MARCHF1: variants seen among roughly 807,000 people sequenced by gnomAD.
MARCHF1 encodes E3 ubiquitin-protein ligase MARCHF1.
In MARCHF1, 40 loss-of-function variants were observed where a neutral mutation model predicts 54.2. The ratio of observed to expected loss-of-function variants is 0.74; its 90% CI spans 0.57 to 0.96. MARCHF1 has a LOEUF of 0.96. Ranked by LOEUF, MARCHF1 falls within the 40% of genes least tolerant of loss-of-function variation. The pLI is 0.00. For synonymous variants in MARCHF1, 236 were observed against 236.3 expected (o/e 1.00, Z 0.01); for missense variants, 586 against 656.5 (o/e 0.89, Z 1.17).
intron 1 of MARCHF1, among the ~76,000 whole-genome samples, chr4:164,335,220 C>T (rs553408091): frequency 6.6e-6 from 1 of 152,196 alleles, no homozygotes; most frequent in South Asian, 2.1e-4. Flanking sequence ...TATCAAAAAG[C>T]AACACATGCT....
At chr4:163,532,631 T>G (rs929031233) in intron 9 of MARCHF1, among the ~76,000 whole-genome samples, 1 of 151,884 alleles carries the variant, frequency 6.6e-6, no homozygotes, top group African/African-American at 2.4e-5. Flanking sequence ...GCAAAACATA[T>G]TCTGAAAAAG....
chr4:163,528,497 T>C lies in MARCHF1; in HGVS notation c.*251A>G, dbSNP rs536867261. 3 of 456,588 alleles carry C rather than the reference T, an allele frequency of 6.6e-6. No homozygotes were observed. In the East Asian group the frequency reaches 1.1e-4, roughly 17 times the overall value. The allele number at this position is 456,588 out of a possible 1,614,324, so 28.3% of individuals were successfully genotyped here. A position where few individuals can be genotyped will look rare whatever the true frequency, so the allele number is the denominator to read the frequency against. On this transcript the variant is annotated 3_prime_UTR_variant, in exon 10 of 10. Coordinates refer to ENST00000514618, the MANE Select transcript of MARCHF1 (RefSeq NM_001394959.1). ...TCATTGCCCCAGTAGTTCTTAATTG[T>C]CTTGGAAATCATTCTCTTGCAAACT... is the stretch of plus-strand genomic sequence containing the variant.
intron 8 of MARCHF1, among the ~76,000 whole-genome samples, chr4:163,563,077 A>G (rs989539466): frequency 1.3e-5 from 2 of 152,182 alleles, no homozygotes; most frequent in African/African-American, 4.8e-5. Context: ...GAAAACTACA[A>G]ATATATTAAT....
intron 3 of MARCHF1, among the ~76,000 whole-genome samples, chr4:163,969,914 C>A (rs1232181783): frequency 2.0e-5 from 3 of 151,272 alleles, no homozygotes; most frequent in African/African-American, 4.9e-5. Flanking sequence ...GGAAGAAAAT[C>A]ATTGTTTAAA....
intron 1 of MARCHF1, among the ~76,000 whole-genome samples, chr4:164,282,420 T>A (rs1199359692): frequency 6.6e-6 from 1 of 150,890 alleles, no homozygotes; most frequent in African/African-American, 2.4e-5. Flanking sequence ...ACTGGCATGA[T>A]CAAACCAGCA....
chr4:164,283,400 T>C lies in MARCHF1; in HGVS notation c.-323+100470A>G, dbSNP rs1019596857. Among the ~76,000 whole-genome samples the C allele has an allele frequency of 7.9e-5, 12 of 150,960 alleles. 1 individual carries two copies. Among genetic ancestry groups the C allele is most frequent in the East Asian group, 4.0e-4 (2 of 4,940 alleles). The stretch of plus-strand genomic sequence containing the variant: ...GCATATATAAGCTGCTGTAGAGGAA[T>C]TGCTTACCTGTTCATCACAAAATAT... On this transcript the variant is annotated intron_variant, in intron 1 of 9. Transcript: ENST00000514618.
intron 1 of MARCHF1, among the ~76,000 whole-genome samples, chr4:164,239,836 A>G (rs1732675699): frequency 6.6e-6 from 1 of 152,172 alleles, no homozygotes; most frequent in Non-Finnish European, 1.5e-5. Flanking sequence ...AATTTTACAG[A>G]ACATAGTGTT....
Position 163,720,460 on chromosome 4 carries a change from G to A in MARCHF1, c.112-19597C>T, listed in dbSNP as rs1344276081. 5.3e-5 allele frequency among the ~76,000 whole-genome samples: 8 copies of A among 152,064 alleles called. No individual in the cohort carries two copies. The South Asian group carries it at 1.0e-3, about 20-fold the overall frequency. On this transcript the variant is annotated intron_variant, in intron 4 of 9. Transcript: ENST00000514618. ...GTAGTATAGTTTGAAGTCAGGTAGT[G>A]TGATGCCTCCGGCTTTGTTCTTTTG...
intron 1 of MARCHF1, among the ~76,000 whole-genome samples, chr4:164,231,037 C>G (rs1009908087): frequency 6.6e-6 from 1 of 152,048 alleles, no homozygotes; most frequent in Admixed American, 6.6e-5. Flanking sequence ...GCAGGATCCT[C>G]TCTTATTAAA....
chr4:163,779,614 C>G (rs1747405322), intron 4 of MARCHF1, among the ~76,000 whole-genome samples: 1 of 152,016 alleles, frequency 6.6e-6, no homozygotes, highest in African/African-American at 2.4e-5. Flanking sequence ...GATGTTTGCA[C>G]CATAACCAAC....
At chr4:163,556,827 T>C (rs898066772) in intron 8 of MARCHF1, among the ~76,000 whole-genome samples, 6 of 152,106 alleles carry the variant, frequency 3.9e-5, no homozygotes, top group African/African-American at 1.4e-4. Context: ...CATTTGAATT[T>C]GTTTTTGGCA....
chr4:164,060,253 A>G (rs1245077279), intron 2 of MARCHF1, among the ~76,000 whole-genome samples: 1 of 152,092 alleles, frequency 6.6e-6, no homozygotes, highest in Non-Finnish European at 1.5e-5. Flanking sequence ...CCAGCTGAAG[A>G]CTGGCATTTT....
At chr4:164,363,560 A>G (rs189242527) in intron 1 of MARCHF1, among the ~76,000 whole-genome samples, 69 of 152,230 alleles carry the variant, frequency 4.5e-4, no homozygotes, top group Admixed American at 1.3e-3. Flanking sequence ...TACGAGTAGA[A>G]AAGCCAACAA....
At chr4:163,814,382 T>C (rs925944357) in intron 4 of MARCHF1, among the ~76,000 whole-genome samples, 3 of 152,064 alleles carry the variant, frequency 2.0e-5, no homozygotes, top group Non-Finnish European at 4.4e-5. Flanking sequence ...TTGGGTCTGA[T>C]TGCCCCAACA....
intron 1 of MARCHF1, among the ~76,000 whole-genome samples, chr4:164,298,807 A>G (rs115256588): frequency 0.015 from 2,331 of 152,246 alleles, 63 homozygotes; most frequent in African/African-American, 0.053. Context: ...TTATTCTACA[A>G]GTTAATCTAA....
chr4:163,974,718 T>C (rs1403750994), intron 3 of MARCHF1, among the ~76,000 whole-genome samples: 2 of 152,166 alleles, frequency 1.3e-5, no homozygotes, highest in Non-Finnish European at 2.9e-5. Context: ...TGCCCTGGCT[T>C]TGAGAGCAGG....
chr4:164,078,198 G>A (rs1755018851), intron 2 of MARCHF1, among the ~76,000 whole-genome samples: 1 of 152,166 alleles, frequency 6.6e-6, no homozygotes, highest in Non-Finnish European at 1.5e-5. Flanking sequence ...ATACTATGCA[G>A]CCATAAGAAA....
rs571375417 is a variant in MARCHF1, at chr4:163,919,578, TA to T, written c.-38-65410del. On this transcript the variant is annotated intron_variant, in intron 3 of 9. Coordinates refer to ENST00000514618, the MANE Select transcript of MARCHF1 (RefSeq NM_001394959.1). ...ATATTTATATTATAGTTGCAAAGAG[TA>T]AAAATTTTAAGAATTTTAAAAGATA... Among the ~76,000 whole-genome samples the T allele has an allele frequency of 4.0e-3, 607 of 152,058 alleles. 3 individuals are homozygous for T. Among genetic ancestry groups the T allele is most frequent in the African/African-American group, 0.014 (580 of 41,556 alleles).
intron 4 of MARCHF1, among the ~76,000 whole-genome samples, chr4:163,765,704 C>T (rs1390487069): frequency 6.6e-6 from 1 of 151,708 alleles, no homozygotes; most frequent in Non-Finnish European, 1.5e-5. Flanking sequence ...ACCAAGTTTA[C>T]TACTTTCATG....
Sources: gnomAD v4.1 joint callset for allele counts (sites outside exome capture counted in the v4.1 genomes callset) on GRCh38, gnomAD v4.1.1 for gene constraint, MANE v1.5 for transcripts, NCBI Gene and HGNC (gene_info 2026-07-23, HGNC 2026-07-21) for gene names.